Variants in ATG3 observed in about 807,000 individuals in gnomAD.
The protein encoded by ATG3 is ubiquitin-like-conjugating enzyme ATG3.
In ATG3, 25 loss-of-function variants were observed where a neutral mutation model predicts 50.7. That is an observed-to-expected ratio of 0.49 (90% CI 0.36 to 0.69). The LOEUF (loss-of-function observed/expected upper bound fraction) is 0.69, where lower values mean the gene tolerates loss of function less well. Among genes scored for constraint, ATG3 ranks in the 30% least tolerant of loss-of-function variants. ATG3 has a pLI of 0.00. For missense variants in ATG3, 281 were observed against 376.0 expected, an observed-to-expected ratio of 0.75 and a Z score of 2.09; for synonymous variants, 119 against 125.5, an observed-to-expected ratio of 0.95 and a Z score of 0.34.
chr3:112,532,656 A>G lies in ATG3; in HGVS notation c.*43T>C. On this transcript the variant is annotated 3_prime_UTR_variant, in exon 12 of 12. Transcript: ENST00000283290. ...GTCACATCTATGGGTTAATTCTTTA[A>G]AAATCAGAACCAATAATTAGGATAG... 6.9e-7 allele frequency: 1 copy of G among 1,449,956 alleles called. No individual in the cohort carries two copies. 89.8% of individuals were successfully genotyped at this position (1,449,956 alleles called of 1,614,324 possible). A position where few individuals can be genotyped will look rare whatever the true frequency, so the allele number is the denominator to read the frequency against.
chr3:112,558,386 G>T lies in ATG3; in HGVS notation c.104C>A (p.Thr35Asn). The T allele has an allele frequency of 6.2e-7, 1 of 1,604,928 alleles. No homozygotes were observed. Among genetic ancestry groups the T allele is most frequent in the African/African-American group, 1.3e-5 (1 of 74,804 alleles). The part of the protein sequence containing the change: ...ESKFKETGVI[T>N]PEEFVAAGDH... ...ATCTTCAGCACTCACCTCTTCTGGGGTAATTACACCTGTTTCCTTAAACTT... is the reference window on the plus strand; with the variant it reads ...ATCTTCAGCACTCACCTCTTCTGGGTTAATTACACCTGTTTCCTTAAACTT... The change falls in exon 2 of 12, where the codon ACC (threonine) becomes AAC (asparagine). Residue 35 changes from threonine to asparagine, a missense_variant. Coordinates refer to ENST00000283290, the MANE Select transcript of ATG3 (RefSeq NM_022488.5).
At position 112,537,716 on chromosome 3, in the gene ATG3, T is replaced by A; in HGVS notation, c.666+19A>T. ...AATTTAAAATATTGATATTAAAATATAATGCTTTTCATTTTTACCTCATCA... is the reference window on the plus strand; with the variant it reads ...AATTTAAAATATTGATATTAAAATAAAATGCTTTTCATTTTTACCTCATCA... On this transcript the variant is annotated intron_variant, in intron 9 of 11. Coordinates refer to ENST00000283290, the MANE Select transcript of ATG3 (RefSeq NM_022488.5). 1 of 1,518,928 alleles carries A rather than the reference T, an allele frequency of 6.6e-7. No individual in the cohort carries two copies. The allele number at this position is 1,518,928 out of a possible 1,614,324, so 94.1% of individuals were successfully genotyped here.
intron 5 of ATG3, among the ~76,000 whole-genome samples, chr3:112,546,393 G>C (rs1933371336): frequency 6.6e-6 from 1 of 152,176 alleles, no homozygotes; most frequent in African/African-American, 2.4e-5. Flanking sequence ...TAGACAATGG[G>C]ATGATTCACC....
chr3:112,546,242 A>T (rs982406533), intron 5 of ATG3, among the ~76,000 whole-genome samples: 6 of 152,244 alleles, frequency 3.9e-5, no homozygotes, highest in African/African-American at 1.4e-4. Context: ...TCTGTGGGGA[A>T]TACATTCCAA....
At chr3:112,549,536 C>T (rs13064534) in intron 4 of ATG3, among the ~76,000 whole-genome samples, 10,242 of 151,984 alleles carry the variant, frequency 0.067, 429 homozygotes, top group Admixed American at 0.12. Flanking sequence ...CAGCCAGGCG[C>T]GGTGGCTCAC....
At position 112,548,423 on chromosome 3, in the gene ATG3, T is replaced by C. The variant is rs569464052; in HGVS notation, c.343+110A>G. ...TCCTGCTTTTTTCATGTAAGTCTAT[T>C]GGGACAAAACTATGCCTTATGTATC... On this transcript the variant is annotated intron_variant, in intron 5 of 11. Transcript: ENST00000283290. The C allele has an allele frequency of 2.0e-4, 194 of 954,672 alleles. 1 individual carries two copies. In the African/African-American group the frequency reaches 2.9e-3, roughly 14 times the overall value. 59.1% of individuals were successfully genotyped at this position (954,672 alleles called of 1,614,324 possible).
intron 6 of ATG3, among the ~76,000 whole-genome samples, chr3:112,543,735 G>C (rs1162854548): frequency 6.6e-6 from 1 of 152,042 alleles, no homozygotes; most frequent in Non-Finnish European, 1.5e-5. Context: ...AAACAAAAAA[G>C]TCATCTCTTT....
Position 112,561,875 on chromosome 3 carries a change from G to C in ATG3, c.-347C>G. On this transcript the variant is annotated 5_prime_UTR_variant, in exon 1 of 12. Transcript: ENST00000283290. ...CGCCCTCTGCGAGCTGTCTGTCCTC[G>C]CTTTGCTTCACTCGCGCCCCTTCCG... 3.5e-6 allele frequency: 1 copy of C among 286,016 alleles called. No homozygotes were observed. Among genetic ancestry groups the C allele is most frequent in the South Asian group, 4.2e-5 (1 of 23,850 alleles). The allele number at this position is 286,016 out of a possible 1,614,324, so 17.7% of individuals were successfully genotyped here.
chr3:112,552,971 CTATT>C (rs1468378679), intron 3 of ATG3, among the ~76,000 whole-genome samples: 6 of 152,204 alleles, frequency 3.9e-5, no homozygotes, highest in Non-Finnish European at 7.4e-5. Flanking sequence ...TTTTATTAAA[CTATT>C]TATTATTCAA....
chr3:112,561,394 C>T, intron 1 of ATG3, 63 bp downstream of exon 1: 1 of 1,542,732 alleles, frequency 6.5e-7, no homozygotes, highest in Non-Finnish European at 8.9e-7. Flanking sequence ...ACTCCTGCGG[C>T]GCCTGGTCCC....
chr3:112,550,635 A>C (rs1327475723), intron 3 of ATG3, among the ~76,000 whole-genome samples: 1 of 152,210 alleles, frequency 6.6e-6, no homozygotes, highest in Non-Finnish European at 1.5e-5. Context: ...TTTAATCCTA[A>C]AGTACTGCTG....
At chr3:112,548,448 C>A in intron 5 of ATG3, 85 bp downstream of exon 5, 2 of 1,170,110 alleles carry the variant, frequency 1.7e-6, no homozygotes, top group Non-Finnish European at 2.5e-6. Flanking sequence ...CCTTATGTAT[C>A]CTCTTTTTTA....
chr3:112,542,951 C>T (rs1042950538), intron 6 of ATG3, among the ~76,000 whole-genome samples: 1 of 151,842 alleles, frequency 6.6e-6, no homozygotes, highest in African/African-American at 2.4e-5. Context: ...GTTATTTCTC[C>T]GTAAGTCATT....
chr3:112,545,931 C>A (rs1445340167), intron 5 of ATG3, among the ~76,000 whole-genome samples: 1 of 152,098 alleles, frequency 6.6e-6, no homozygotes, highest in African/African-American at 2.4e-5. Flanking sequence ...AAGCAGATTA[C>A]CCTCTACAAG....
At chr3:112,560,769 AT>A (rs1419353641) in intron 1 of ATG3, among the ~76,000 whole-genome samples, 9 of 152,148 alleles carry the variant, frequency 5.9e-5, no homozygotes, top group African/African-American at 2.2e-4. Flanking sequence ...ATGTGTCACA[AT>A]TTTTTACTTT....
chr3:112,548,825 A>C (rs1293882517), intron 4 of ATG3, among the ~76,000 whole-genome samples, 185 bp from the exon 5 acceptor site: 1 of 152,236 alleles, frequency 6.6e-6, no homozygotes, highest in African/African-American at 2.4e-5. Context: ...ATTTGGCTAC[A>C]TTTACCTTTT....
chr3:112,536,421 T>C (rs767373174), intron 10 of ATG3, 54 bp downstream of exon 10: 3 of 1,590,320 alleles, frequency 1.9e-6, no homozygotes, highest in Non-Finnish European at 1.7e-6. Context: ...AAGTAATAAA[T>C]CCATGAAATA....
chr3:112,550,120 T>C lies in ATG3; in HGVS notation c.235+72A>G, dbSNP rs534469440. ...AACTAAGGAAAAAATTTTCAAGCAA[T>C]AGAAAAACCGAGAGCTTCATTTTAA... is the stretch of plus-strand genomic sequence containing the variant. On this transcript the variant is annotated intron_variant, in intron 4 of 11. Coordinates refer to ENST00000283290, the MANE Select transcript of ATG3 (RefSeq NM_022488.5). 2.5e-5 allele frequency: 28 copies of C among 1,138,004 alleles called. No homozygotes were observed. In the East Asian group the frequency reaches 5.4e-4, roughly 22 times the overall value. The allele number at this position is 1,138,004 out of a possible 1,614,324, so 70.5% of individuals were successfully genotyped here.
At chr3:112,558,567 A>C in intron 1 of ATG3, 150 bp from the exon 2 acceptor site, 1 of 638,442 alleles carries the variant, frequency 1.6e-6, no homozygotes, top group South Asian at 1.9e-5. Context: ...TAATCTATCT[A>C]ATCTACCTAT....
Sources: allele counts gnomAD v4.1 joint callset (sites outside exome capture counted in the v4.1 genomes callset), GRCh38; gene constraint gnomAD v4.1.1; transcripts MANE v1.5; gene names NCBI Gene and HGNC (gene_info 2026-07-23, HGNC 2026-07-21).